NEK10: variants seen among roughly 807,000 people sequenced by gnomAD.
The protein encoded by NEK10 is NIMA related kinase 10, also known as serine/threonine-protein kinase Nek10.
NEK10 carries 122 observed loss-of-function variants against 159.8 expected under a neutral mutation model. The observed-to-expected ratio is 0.76, with a 90% CI of 0.66 to 0.89. NEK10 has a LOEUF of 0.89. Among genes scored for constraint, NEK10 ranks in the 40% least tolerant of loss-of-function variants. The probability of loss-of-function intolerance (pLI) is 0.00; values close to 1 mark genes in which losing one functional copy is unlikely to be tolerated. For missense variants in NEK10, 1,342 were observed against 1,323.1 expected (o/e 1.01, Z -0.22); for synonymous variants, 466 against 457.1 (o/e 1.02, Z -0.25).
chr3:27,214,549 C>CCT (rs1951306813), intron 23 of NEK10, among the ~76,000 whole-genome samples: 1 of 141,566 alleles, frequency 7.1e-6, no homozygotes, highest in Non-Finnish European at 1.5e-5. Flanking sequence ...TACTTTCTTT[C>CCT]TTTTTTTTGT....
At chr3:27,310,909 A>T in intron 9 of NEK10, 40 bp downstream of exon 9, 1 of 1,252,644 alleles carries the variant, frequency 8.0e-7, no homozygotes, top group Non-Finnish European at 1.2e-6. Flanking sequence ...AACTATTGCC[A>T]TAGGGAGCTG....
chr3:27,284,616 T>C lies in NEK10; in HGVS notation c.2000A>G (p.Asp667Gly), dbSNP rs2042440334. 6 of 1,576,448 alleles carry C rather than the reference T, an allele frequency of 3.8e-6. No individual in the cohort carries two copies. The highest frequency in any genetic ancestry group is 1.7e-5 in the Admixed American group (1 of 59,948). Residue 667 changes from aspartate to glycine, a missense_variant, in exon 22 of 36, where the codon GAC (aspartate) becomes GGC (glycine). Coordinates refer to ENST00000691995, the MANE Select transcript of NEK10 (RefSeq NM_001394966.1). ...TTTATACTTACTAACGGTTACTTTG[T>C]CCTTATCCCCCAACATAATGTTGTT... ...TPNNIMLGDK[D>G]KVTVTDFGLA... is the part of the protein sequence containing the mutation.
intron 12 of NEK10, 110 bp from the exon 13 acceptor site, chr3:27,301,945 A>G (rs1323838096): frequency 1.2e-6 from 1 of 804,144 alleles, no homozygotes; most frequent in African/African-American, 1.7e-5. Flanking sequence ...TGAAGGCATC[A>G]TTATTGTTTC....
chr3:27,180,418 AAGGGG>A (rs1180470195), intron 26 of NEK10, among the ~76,000 whole-genome samples: 1 of 134,898 alleles, frequency 7.4e-6, no homozygotes, highest in East Asian at 2.6e-4. Context: ...AAGGGAAGGG[AAGGGG>A]AGGGGAGGGG....
chr3:27,256,970 C>T lies in NEK10; in HGVS notation c.2015-599G>A, dbSNP rs867823384. ...TCACTCTGTCACCCAGGTTGGAGTGCAGTGGTGCGATCTCGGCTCACTGAA... is the reference window on the plus strand; with the variant it reads ...TCACTCTGTCACCCAGGTTGGAGTGTAGTGGTGCGATCTCGGCTCACTGAA... On this transcript the variant is annotated intron_variant, in intron 22 of 35. Coordinates refer to ENST00000691995, the MANE Select transcript of NEK10 (RefSeq NM_001394966.1). Among the ~76,000 whole-genome samples, 7 of 138,014 alleles carry T rather than the reference C, an allele frequency of 5.1e-5. No homozygotes were observed. In the South Asian group the frequency reaches 1.3e-3, roughly 26 times the overall value. The allele number at this position is 138,014 out of a possible 152,430, so 90.5% of individuals were successfully genotyped here. A position where few individuals can be genotyped will look rare whatever the true frequency, so the allele number is the denominator to read the frequency against.
intron 16 of NEK10, among the ~76,000 whole-genome samples, chr3:27,293,196 CCCTTTGATT>C (rs2043125603): frequency 6.6e-6 from 1 of 151,376 alleles, no homozygotes; most frequent in Non-Finnish European, 1.5e-5. Flanking sequence ...TGATTAAATT[CCCTTTGATT>C]AAAGTGAAAT....
chr3:27,186,956 A>G (rs554380607), intron 26 of NEK10, among the ~76,000 whole-genome samples: 1 of 152,264 alleles, frequency 6.6e-6, no homozygotes, highest in Non-Finnish European at 1.5e-5. Flanking sequence ...CTTGGCCATC[A>G]CTGCACTGAG....
At chr3:27,327,003 T>A (rs896820897) in intron 5 of NEK10, among the ~76,000 whole-genome samples, 4 of 152,202 alleles carry the variant, frequency 2.6e-5, no homozygotes, top group African/African-American at 9.7e-5. Flanking sequence ...CACAGCTTAG[T>A]GCAACTGGAG....
intron 25 of NEK10, among the ~76,000 whole-genome samples, chr3:27,195,222 A>G (rs1949459921): frequency 1.3e-5 from 2 of 152,228 alleles, no homozygotes; most frequent in African/African-American, 4.8e-5. Flanking sequence ...GCTCTATCAA[A>G]TTACTAAAGA....
At chr3:27,302,079 C>G (rs1418531334) in intron 12 of NEK10, among the ~76,000 whole-genome samples, 3 of 152,120 alleles carry the variant, frequency 2.0e-5, no homozygotes, top group Non-Finnish European at 4.4e-5. Context: ...ACATGGCCAC[C>G]TTTGTTTTTG....
intron 29 of NEK10, among the ~76,000 whole-genome samples, chr3:27,171,359 C>T (rs1383434110): frequency 6.6e-6 from 1 of 152,164 alleles, no homozygotes; most frequent in African/African-American, 2.4e-5. Context: ...CATAACATCT[C>T]GGTCATATCC....
intron 25 of NEK10, among the ~76,000 whole-genome samples, chr3:27,197,255 A>T (rs1949639521): frequency 6.6e-6 from 1 of 152,002 alleles, no homozygotes; most frequent in South Asian, 2.1e-4. Context: ...AGCTCATTGC[A>T]ACCTCCACTT....
At chr3:27,178,797 C>T (rs1427908091) in intron 26 of NEK10, among the ~76,000 whole-genome samples, 1 of 152,200 alleles carries the variant, frequency 6.6e-6, no homozygotes, top group Non-Finnish European at 1.5e-5. Flanking sequence ...GAGATAGGAA[C>T]CTTTTCTCCA....
intron 26 of NEK10, among the ~76,000 whole-genome samples, chr3:27,176,453 A>G (rs1187088128): frequency 1.3e-5 from 2 of 152,132 alleles, no homozygotes; most frequent in East Asian, 3.9e-4. Context: ...CTACTCAGAA[A>G]TTTTTCCAAT....
At chr3:27,219,559 C>A (rs1410968972) in intron 23 of NEK10, among the ~76,000 whole-genome samples, 2 of 152,088 alleles carry the variant, frequency 1.3e-5, no homozygotes, top group African/African-American at 4.8e-5. Context: ...CATGTTTATT[C>A]AAAAATCCAA....
chr3:27,263,198 A>C (rs6551189), intron 22 of NEK10, among the ~76,000 whole-genome samples: 96,782 of 152,042 alleles, frequency 0.64, 33,104 homozygotes, highest in African/African-American at 0.91. Context: ...AGAGGAGTAC[A>C]CGGCCATGTG....
At chr3:27,280,256 G>A (rs1401109676) in intron 22 of NEK10, among the ~76,000 whole-genome samples, 1 of 152,068 alleles carries the variant, frequency 6.6e-6, no homozygotes, top group Non-Finnish European at 1.5e-5. Context: ...GTCAGACTCA[G>A]CAGAGCAAAA....
intron 22 of NEK10, among the ~76,000 whole-genome samples, chr3:27,268,167 C>T (rs1030030484): frequency 2.0e-5 from 3 of 152,188 alleles, no homozygotes; most frequent in Non-Finnish European, 4.4e-5. Context: ...GAGGTTGGTT[C>T]ACGAGGTTTA....
chr3:27,192,963 C>T (rs1949243394), intron 25 of NEK10, among the ~76,000 whole-genome samples: 1 of 152,128 alleles, frequency 6.6e-6, no homozygotes, highest in Non-Finnish European at 1.5e-5. Context: ...ACCTCATTTA[C>T]CATTTATTAG....
Sources: gnomAD v4.1 joint callset for allele counts (sites outside exome capture counted in the v4.1 genomes callset) on GRCh38, gnomAD v4.1.1 for gene constraint, MANE v1.5 for transcripts, NCBI Gene and HGNC (gene_info 2026-07-23, HGNC 2026-07-21) for gene names.